Variants in ZDHHC17 observed in about 807,000 individuals in gnomAD.
The protein encoded by ZDHHC17 is zDHHC palmitoyltransferase 17.
ZDHHC17 carries 40 observed loss-of-function variants against 90.3 expected under a neutral mutation model. The ratio of observed to expected loss-of-function variants is 0.44; its 90% CI spans 0.34 to 0.58. The LOEUF (loss-of-function observed/expected upper bound fraction) is 0.58, where lower values mean the gene tolerates loss of function less well. ZDHHC17 is among the 20% of genes least tolerant of loss of function. The probability of loss-of-function intolerance (pLI) is 0.01; values close to 1 mark genes in which losing one functional copy is unlikely to be tolerated. For synonymous variants in ZDHHC17, 235 were observed against 252.4 expected, an observed-to-expected ratio of 0.93 and a Z score of 0.65; for missense variants, 614 against 780.8, an observed-to-expected ratio of 0.79 and a Z score of 2.55.
At position 76,832,301 on chromosome 12, in the gene ZDHHC17, A is replaced by G. The variant is rs80080190; in HGVS notation, c.1141+3811A>G. Reference sequence around the variant, plus strand: ...GTCCAGGATCACTTCTGATGACCTCAGGCTCCTTTCTGTTGCTTTTACCAC... The same window carrying G: ...GTCCAGGATCACTTCTGATGACCTCGGGCTCCTTTCTGTTGCTTTTACCAC... On this transcript the variant is annotated intron_variant, in intron 10 of 16. Transcript: ENST00000426126. 8.0e-3 allele frequency among the ~76,000 whole-genome samples: 1,212 copies of G among 152,332 alleles called. 10 individuals carry two copies. The highest frequency in any genetic ancestry group is 0.028 in the African/African-American group (1,181 of 41,564).
intron 10 of ZDHHC17, among the ~76,000 whole-genome samples, chr12:76,837,598 A>G (rs1386396153): frequency 1.3e-5 from 2 of 152,196 alleles, no homozygotes; most frequent in Non-Finnish European, 2.9e-5. Context: ...GATTTTCTTA[A>G]TATACAGTGT....
intron 1 of ZDHHC17, among the ~76,000 whole-genome samples, chr12:76,777,229 G>T (rs748516196): frequency 7.9e-5 from 12 of 152,146 alleles, no homozygotes; most frequent in Non-Finnish European, 1.8e-4. Context: ...TCACTAACCT[G>T]TTCTCCATTT....
intron 1 of ZDHHC17, among the ~76,000 whole-genome samples, chr12:76,776,295 G>A (rs1254321445): frequency 6.6e-6 from 1 of 151,966 alleles, no homozygotes; most frequent in Non-Finnish European, 1.5e-5. Context: ...AGCCTTAATG[G>A]TGACACATGA....
intron 5 of ZDHHC17, among the ~76,000 whole-genome samples, chr12:76,812,835 A>G (rs1400830824): frequency 6.6e-6 from 1 of 152,074 alleles, no homozygotes; most frequent in Non-Finnish European, 1.5e-5. Flanking sequence ...AGTGCTCACT[A>G]CCAATTCTTT....
At position 76,828,540 on chromosome 12, in the gene ZDHHC17, T is replaced by G. The variant is rs767117958; in HGVS notation, c.1141+50T>G. The stretch of plus-strand genomic sequence containing the variant: ...ACCAAAAACAAATTTTGTTTGTTAT[T>G]TGAATAGATGTTTAATAATTTGACA... On this transcript the variant is annotated intron_variant, in intron 10 of 16. Transcript: ENST00000426126. 13 of 1,508,368 alleles carry G rather than the reference T, an allele frequency of 8.6e-6. No individual in the cohort carries two copies. The Admixed American group carries it at 1.2e-4, about 14-fold the overall frequency. 93.4% of individuals were successfully genotyped at this position (1,508,368 alleles called of 1,614,324 possible).
At chr12:76,842,235 T>G (rs1953444599) in intron 11 of ZDHHC17, 129 bp downstream of exon 11, 2 of 1,025,570 alleles carry the variant, frequency 2.0e-6, no homozygotes, top group Non-Finnish European at 2.6e-6. Context: ...ATTGAGATTA[T>G]GTATCTTTTA....
chr12:76,815,896 A>G lies in ZDHHC17; in HGVS notation c.648A>G (p.Ser216=). ...GATTGCTTTTAACATTCAATGTTTC[A>G]GTTAACCTTGGTGACAAGTATCACA... ...PTRLLLTFNV[S]VNLGDKYHKN... The change falls in exon 7 of 17, where the codon TCA becomes TCG. Residue 216 remains serine (S), a synonymous_variant. Transcript: ENST00000426126. 4 of 1,569,184 alleles carry G rather than the reference A, an allele frequency of 2.5e-6. No homozygotes were observed. The highest frequency in any genetic ancestry group is 3.5e-6 in the Non-Finnish European group (4 of 1,156,856).
intron 16 of ZDHHC17, among the ~76,000 whole-genome samples, chr12:76,850,625 G>T (rs1276278205): frequency 6.6e-6 from 1 of 152,156 alleles, no homozygotes; most frequent in African/African-American, 2.4e-5. Context: ...ATATAATTGT[G>T]TAAGTCTTTA....
At chr12:76,847,533 C>A (rs991284489) in intron 14 of ZDHHC17, among the ~76,000 whole-genome samples, 1 of 152,300 alleles carries the variant, frequency 6.6e-6, no homozygotes, top group East Asian at 1.9e-4. Flanking sequence ...AGCAACTCTC[C>A]TACAGCAGGA....
At chr12:76,787,386 T>C (rs1490822579) in intron 1 of ZDHHC17, among the ~76,000 whole-genome samples, 1 of 152,208 alleles carries the variant, frequency 6.6e-6, no homozygotes, top group Non-Finnish European at 1.5e-5. Context: ...TTATGCCCAA[T>C]CAAGTGGGCA....
chr12:76,811,582 A>G (rs1265810774), intron 5 of ZDHHC17, among the ~76,000 whole-genome samples: 2 of 152,104 alleles, frequency 1.3e-5, no homozygotes, highest in African/African-American at 4.8e-5. Flanking sequence ...CATGATGATG[A>G]TAATGATGAT....
At chr12:76,776,362 C>G (rs775430872) in intron 1 of ZDHHC17, among the ~76,000 whole-genome samples, 12 of 152,268 alleles carry the variant, frequency 7.9e-5, no homozygotes, top group Non-Finnish European at 1.3e-4. Flanking sequence ...TGAAGTCCCA[C>G]AGTTCCCTGT....
At chr12:76,842,672 C>T (rs544821392) in intron 11 of ZDHHC17, among the ~76,000 whole-genome samples, 1 of 152,180 alleles carries the variant, frequency 6.6e-6, no homozygotes, top group South Asian at 2.1e-4. Flanking sequence ...TATTCCAGTC[C>T]ACAATTGACT....
intron 12 of ZDHHC17, among the ~76,000 whole-genome samples, chr12:76,843,618 A>G (rs1953461464): frequency 6.6e-6 from 1 of 152,104 alleles, no homozygotes; most frequent in Non-Finnish European, 1.5e-5. Context: ...TCTGTAGGAT[A>G]ATACTCTTAT....
At chr12:76,779,892 A>G (rs974846867) in intron 1 of ZDHHC17, among the ~76,000 whole-genome samples, 2 of 150,916 alleles carry the variant, frequency 1.3e-5, no homozygotes, top group African/African-American at 2.4e-5. Flanking sequence ...TTTTTTGCCT[A>G]TAGATATCCA....
At chr12:76,765,011 T>C (rs1450956393) in intron 1 of ZDHHC17, among the ~76,000 whole-genome samples, 1 of 152,192 alleles carries the variant, frequency 6.6e-6, no homozygotes. Flanking sequence ...TGTCTTCCCA[T>C]GTAAGTAAAC....
intron 2 of ZDHHC17, among the ~76,000 whole-genome samples, chr12:76,799,105 C>T (rs573194540): frequency 6.6e-6 from 1 of 152,202 alleles, no homozygotes; most frequent in South Asian, 2.1e-4. Context: ...CCAATACACT[C>T]CAGCCTGGGC....
At chr12:76,848,110 T>C in intron 14 of ZDHHC17, 123 bp from the exon 15 acceptor site, 1 of 932,958 alleles carries the variant, frequency 1.1e-6, no homozygotes, top group Non-Finnish European at 1.6e-6. Flanking sequence ...CATTTGCTAT[T>C]GAATGTCATC....
chr12:76,819,383 T>C (rs1236810581), intron 7 of ZDHHC17, among the ~76,000 whole-genome samples: 1 of 152,202 alleles, frequency 6.6e-6, no homozygotes, highest in African/African-American at 2.4e-5. Context: ...GCTTTTTCCA[T>C]TTTTAAGTCT....
Sources: gnomAD v4.1 joint callset for allele counts (sites outside exome capture counted in the v4.1 genomes callset) on GRCh38, gnomAD v4.1.1 for gene constraint, MANE v1.5 for transcripts, NCBI Gene and HGNC (gene_info 2026-07-23, HGNC 2026-07-21) for gene names.